GAS7: variants seen among roughly 807,000 people sequenced by gnomAD.
GAS7 encodes growth arrest specific 7, also known as growth arrest-specific protein 7.
GAS7 carries 28 observed loss-of-function variants against 71.1 expected under a neutral mutation model. That is an observed-to-expected ratio of 0.39 (90% CI 0.29 to 0.54). The LOEUF (loss-of-function observed/expected upper bound fraction) is 0.54, where lower values mean the gene tolerates loss of function less well. GAS7 is among the 20% of genes least tolerant of loss of function. GAS7 has a pLI of 0.62. For synonymous variants in GAS7, 258 were observed against 245.8 expected (o/e 1.05, Z -0.46); for missense variants, 436 against 627.8 (o/e 0.69, Z 3.27).
At chr17:10,009,776 G>A (rs1312100272) in intron 2 of GAS7, among the ~76,000 whole-genome samples, 5 of 151,642 alleles carry the variant, frequency 3.3e-5, no homozygotes, top group Non-Finnish European at 5.9e-5. Flanking sequence ...GAAGGCTAAG[G>A]TGGAAGGATT....
intron 1 of GAS7, among the ~76,000 whole-genome samples, chr17:10,134,267 A>AAG (rs1197627747): frequency 5.9e-5 from 9 of 151,806 alleles, no homozygotes; most frequent in African/African-American, 2.2e-4. Context: ...TCCTGACCTC[A>AAG]TGATCCGCCC....
chr17:10,168,279 A>G (rs776394908), intron 1 of GAS7, among the ~76,000 whole-genome samples: 15 of 152,218 alleles, frequency 9.9e-5, no homozygotes, highest in Non-Finnish European at 1.5e-4. Flanking sequence ...TACATTATCA[A>G]GTGAGAAAAA....
chr17:9,995,367 AAAAAGAAAGATAAAGAGAC>A (rs1249478612), intron 2 of GAS7, among the ~76,000 whole-genome samples: 2 of 152,214 alleles, frequency 1.3e-5, no homozygotes, highest in Admixed American at 1.3e-4. Flanking sequence ...GCATGTAGAT[AAAAAGAAAGATAAAGAGAC>A]GAGGGAAAGA....
chr17:10,038,695 A>ATTTTT lies in GAS7; in HGVS notation c.184-18803_184-18799dup, dbSNP rs71365709. Among the ~76,000 whole-genome samples, 9 of 121,182 alleles carry ATTTTT rather than the reference A, an allele frequency of 7.4e-5. No individual in the cohort carries two copies. In the South Asian group the frequency reaches 2.2e-3, roughly 29 times the overall value. The allele number at this position is 121,182 out of a possible 152,430, so 79.5% of individuals were successfully genotyped here. A position where few individuals can be genotyped will look rare whatever the true frequency, so the allele number is the denominator to read the frequency against. ...ATTACTCAGCCTTAAGAAGGAAGGA[A>ATTTTT]TTTTTTTTTTTTTTTTTTTTTTGAG... On this transcript the variant is annotated intron_variant, in intron 1 of 13. Transcript: ENST00000432992.
intron 1 of GAS7, among the ~76,000 whole-genome samples, chr17:10,081,870 G>A (rs1317732303): frequency 6.6e-6 from 1 of 152,330 alleles, no homozygotes; most frequent in African/African-American, 2.4e-5. Flanking sequence ...GGAAAGTCCA[G>A]ATGTACATTC....
In GAS7 at chr17:10,177,294, G is replaced by A. The variant is rs142658283; in HGVS notation, c.183+20914C>T. 7.4e-3 allele frequency among the ~76,000 whole-genome samples: 1,120 copies of A among 152,310 alleles called. 7 individuals carry two copies. Among genetic ancestry groups the A allele is most frequent in the Non-Finnish European group, 0.011 (754 of 68,030 alleles). On this transcript the variant is annotated intron_variant, in intron 1 of 13. Transcript: ENST00000432992. ...TGCAGCCGAGCAAAGGCACAGAGGT[G>A]TCAGGTTGCTTCCCGCTCCCCAGGA...
chr17:10,036,555 C>T lies in GAS7; in HGVS notation c.184-16658G>A, dbSNP rs374080562. 574 of 1,570,048 alleles carry T rather than the reference C, an allele frequency of 3.7e-4. 4 individuals are homozygous for T. Among genetic ancestry groups the T allele is most frequent in the Middle Eastern group, 1.4e-3 (8 of 5,712 alleles). ...GGCTTCCTCTTCATGGCAGCCTCTCCGGGAAATGGGGCTGAGGCAAGTCGC... is the reference window on the plus strand; with the variant it reads ...GGCTTCCTCTTCATGGCAGCCTCTCTGGGAAATGGGGCTGAGGCAAGTCGC... On this transcript the variant is annotated intron_variant, in intron 1 of 13. Coordinates refer to ENST00000432992, the MANE Select transcript of GAS7 (RefSeq NM_201433.2).
intron 1 of GAS7, among the ~76,000 whole-genome samples, chr17:10,152,859 A>G (rs961198512): frequency 1.3e-5 from 2 of 152,088 alleles, no homozygotes; most frequent in South Asian, 2.1e-4. Context: ...AGACAGGCCA[A>G]GCAAGGGTAG....
chr17:10,071,210 G>A (rs1312686076), intron 1 of GAS7, among the ~76,000 whole-genome samples: 1 of 152,052 alleles, frequency 6.6e-6, no homozygotes, highest in Non-Finnish European at 1.5e-5. Context: ...GGCTCATGAG[G>A]CAAACAGAGC....
At chr17:10,137,599 G>A (rs530721602) in intron 1 of GAS7, among the ~76,000 whole-genome samples, 2 of 151,706 alleles carry the variant, frequency 1.3e-5, no homozygotes, top group South Asian at 4.2e-4. Flanking sequence ...GAGTACAATG[G>A]CAGGATCTTG....
chr17:10,117,994 C>G (rs1469611890), intron 1 of GAS7, among the ~76,000 whole-genome samples: 1 of 152,100 alleles, frequency 6.6e-6, no homozygotes, highest in African/African-American at 2.4e-5. Context: ...TAGCCCAGAC[C>G]TGGGCTAGGC....
At chr17:10,061,721 G>C (rs921442798) in intron 1 of GAS7, among the ~76,000 whole-genome samples, 1 of 152,142 alleles carries the variant, frequency 6.6e-6, no homozygotes, top group Non-Finnish European at 1.5e-5. Flanking sequence ...GGCAGCTGTG[G>C]CACCCACCCC....
At chr17:9,978,308 C>T (rs764311013) in intron 3 of GAS7, among the ~76,000 whole-genome samples, 3 of 150,352 alleles carry the variant, frequency 2.0e-5, no homozygotes, top group Non-Finnish European at 4.4e-5. Flanking sequence ...GAAAATGAGG[C>T]CTGGCAAGGA....
chr17:9,925,068 G>C (rs1597454933), intron 11 of GAS7, among the ~76,000 whole-genome samples: 1 of 152,214 alleles, frequency 6.6e-6, no homozygotes. Context: ...TGGGGAAGTG[G>C]GCAGCTTGGG....
Position 9,926,561 on chromosome 17 carries a change from C to A in GAS7, c.1014+80G>T. On this transcript the variant is annotated intron_variant, in intron 10 of 13. Transcript: ENST00000432992. This position sits in a 1 kb window ranked among gnomAD's most constrained non-coding sequence, Gnocchi z 5.0. ...AAAGACTCAGCCTTGGCGTATGGAG[C>A]CACTGCTGGCTTCCCAGTCCCCCTT... The A allele has an allele frequency of 6.9e-7, 1 of 1,447,352 alleles. No homozygotes were observed. The highest frequency in any genetic ancestry group is 9.6e-7 in the Non-Finnish European group (1 of 1,040,208). 89.7% of individuals were successfully genotyped at this position (1,447,352 alleles called of 1,614,324 possible).
intron 1 of GAS7, among the ~76,000 whole-genome samples, chr17:10,190,225 C>T (rs2074487585): frequency 6.6e-6 from 1 of 152,098 alleles, no homozygotes; most frequent in Non-Finnish European, 1.5e-5. Context: ...GCCCACACAG[C>T]CTAAAATGTT....
chr17:10,054,651 C>A (rs973449475), intron 1 of GAS7, among the ~76,000 whole-genome samples: 2 of 152,192 alleles, frequency 1.3e-5, no homozygotes, highest in African/African-American at 4.8e-5. Context: ...AGGGGGTTCC[C>A]TGGTTCTAAC....
chr17:9,928,557 G>A (rs1319362738), intron 9 of GAS7, among the ~76,000 whole-genome samples: 7 of 152,020 alleles, frequency 4.6e-5, no homozygotes, highest in South Asian at 2.1e-4. Flanking sequence ...CCCCACCACC[G>A]CAAATCTGCC....
At chr17:9,983,615 G>T (rs768421244) in intron 2 of GAS7, among the ~76,000 whole-genome samples, 1 of 151,844 alleles carries the variant, frequency 6.6e-6, no homozygotes, top group Admixed American at 6.6e-5. Context: ...GGTGAAACCC[G>T]ATCTCCACTA....
Sources: gnomAD v4.1 joint callset for allele counts (sites outside exome capture counted in the v4.1 genomes callset) on GRCh38, gnomAD v4.1.1 for gene constraint, Gnocchi (gnomAD v3.1) non-coding constraint, MANE v1.5 for transcripts, NCBI Gene and HGNC (gene_info 2026-07-23, HGNC 2026-07-21) for gene names.